NSD1: variants seen among roughly 807,000 people sequenced by gnomAD.
NSD1 encodes the protein histone-lysine N-methyltransferase, H3 lysine-36 specific.
A neutral mutation model predicts 242.7 loss-of-function variants in NSD1; 26 were observed. The ratio of observed to expected loss-of-function variants is 0.11; its 90% CI spans 0.08 to 0.15. The LOEUF is 0.15. Ranked by LOEUF, NSD1 falls within the 10% of genes least tolerant of loss-of-function variation. The probability of loss-of-function intolerance (pLI) is 1.00; values close to 1 mark genes in which losing one functional copy is unlikely to be tolerated. For missense variants in NSD1, 2,495 were observed against 3,272.8 expected (o/e 0.76, Z 5.80); for synonymous variants, 1,106 against 1,178.1 (o/e 0.94, Z 1.25).
At chr5:177,157,610 C>T (rs544256331) in intron 2 of NSD1, among the ~76,000 whole-genome samples, 2 of 152,094 alleles carry the variant, frequency 1.3e-5, no homozygotes, top group African/African-American at 4.8e-5. Context: ...AGTCTGCACT[C>T]AGTCCCTGGG....
At chr5:177,157,595 C>T (rs752129876) in intron 2 of NSD1, among the ~76,000 whole-genome samples, 5 of 152,044 alleles carry the variant, frequency 3.3e-5, no homozygotes, top group African/African-American at 7.2e-5. Context: ...CTACTCAGGA[C>T]GCTGAGTCTG....
At chr5:177,221,120 A>G (rs1276550135) in intron 5 of NSD1, 2 of 431,710 alleles carry the variant, frequency 4.6e-6, no homozygotes, top group African/African-American at 4.1e-5. Context: ...TGATCCACCC[A>G]CTTTGGCCTC....
intron 2 of NSD1, among the ~76,000 whole-genome samples, chr5:177,179,273 T>C (rs1264112984): frequency 6.6e-6 from 1 of 152,166 alleles, no homozygotes; most frequent in African/African-American, 2.4e-5. Flanking sequence ...TGAAGTACAA[T>C]GGCAGGATCT....
chr5:177,239,728 A>G (rs771596296), intron 7 of NSD1, 28 bp from the exon 8 acceptor site: 2 of 1,329,300 alleles, frequency 1.5e-6, no homozygotes, highest in East Asian at 2.3e-5. Context: ...TTTCTAAATC[A>G]TCTAATGTAA....
chr5:177,266,545 C>G, intron 14 of NSD1: 1 of 682,198 alleles, frequency 1.5e-6, no homozygotes, highest in Non-Finnish European at 2.4e-6. Flanking sequence ...CGCCTGGCCA[C>G]AGGACACCTC....
At chr5:177,227,095 T>C (rs1764689465) in intron 5 of NSD1, among the ~76,000 whole-genome samples, 1 of 152,190 alleles carries the variant, frequency 6.6e-6, no homozygotes, top group African/African-American at 2.4e-5. Flanking sequence ...TGAAATATTA[T>C]GGAGTATGAG....
rs1162692005 is a variant in NSD1, at chr5:177,211,012, C to T, written c.2613C>T (p.Ser871=). The part of the protein sequence containing the change: ...LSELKELSYR[S]LGEDVSDSGT... ...AGTTGAAGGAACTCTCTTACAGATCCTTAGGTGAGGATGTCAGTGACTCTG... is the reference window on the plus strand; with the variant it reads ...AGTTGAAGGAACTCTCTTACAGATCTTTAGGTGAGGATGTCAGTGACTCTG... Residue 871 remains serine (S), a synonymous_variant, in exon 5 of 23, where the codon TCC becomes TCT. Coordinates refer to ENST00000439151, the MANE Select transcript of NSD1 (RefSeq NM_022455.5). 2 of 1,614,154 alleles carry T rather than the reference C, an allele frequency of 1.2e-6. No individual in the cohort carries two copies. The highest frequency in any genetic ancestry group is 1.7e-5 in the Admixed American group (1 of 60,010).
At chr5:177,257,962 C>G (rs1182283485) in intron 13 of NSD1, among the ~76,000 whole-genome samples, 1 of 146,738 alleles carries the variant, frequency 6.8e-6, no homozygotes, top group Admixed American at 7.0e-5. Context: ...CCACGCGTGG[C>G]CCCCCTGGGC....
chr5:177,229,217 T>C (rs1764867772), intron 5 of NSD1, among the ~76,000 whole-genome samples: 1 of 152,232 alleles, frequency 6.6e-6, no homozygotes, highest in African/African-American at 2.4e-5. Context: ...TTGGCTGTTT[T>C]ATCATTTTAG....
At chr5:177,149,318 A>G (rs1757513803) in intron 2 of NSD1, among the ~76,000 whole-genome samples, 1 of 151,576 alleles carries the variant, frequency 6.6e-6, no homozygotes, top group Non-Finnish European at 1.5e-5. Context: ...TGCTGAGTTC[A>G]AGCAATTCTC....
chr5:177,202,617 A>T (rs904664632), intron 3 of NSD1, among the ~76,000 whole-genome samples: 2 of 152,072 alleles, frequency 1.3e-5, no homozygotes, highest in Non-Finnish European at 2.9e-5. Flanking sequence ...GGGCTCAAGC[A>T]GTCCTCCCAC....
intron 2 of NSD1, among the ~76,000 whole-genome samples, chr5:177,145,281 A>ATT (rs371901937): frequency 4.0e-4 from 56 of 138,442 alleles, no homozygotes; most frequent in Non-Finnish European, 5.3e-4. Flanking sequence ...ATGTAACAAG[A>ATT]TTTTTTTTTT....
chr5:177,206,668 A>G (rs922860735), intron 4 of NSD1, among the ~76,000 whole-genome samples: 5 of 152,190 alleles, frequency 3.3e-5, no homozygotes, highest in Non-Finnish European at 5.9e-5. Context: ...TTAGGATGAA[A>G]GAGGTTAACG....
intron 2 of NSD1, among the ~76,000 whole-genome samples, chr5:177,145,587 G>A (rs889433247): frequency 1.3e-5 from 2 of 152,092 alleles, no homozygotes; most frequent in Non-Finnish European, 2.9e-5. Flanking sequence ...TTTTTGTTTA[G>A]ATAAATGTTG....
chr5:177,259,840 T>G, intron 13 of NSD1, 149 bp from the exon 14 acceptor site: 2 of 822,084 alleles, frequency 2.4e-6, no homozygotes, highest in Admixed American at 4.6e-5. Context: ...TCTTGATGGA[T>G]CGAGTGTTTA....
In NSD1 at chr5:177,199,609, C is replaced by CT. The variant is rs981231265; in HGVS notation, c.1064-4502dup. On this transcript the variant is annotated intron_variant, in intron 3 of 22. Transcript: ENST00000439151. ...CTTTTCTTTTCTTTTCTTTTCTTTT[C>CT]TTTTTTTTTGAGATGGAGTCTCTCT... 1.6e-4 allele frequency among the ~76,000 whole-genome samples: 23 copies of CT among 148,364 alleles called. 1 individual carries two copies. In the South Asian group the frequency reaches 1.9e-3, roughly 12 times the overall value.
At chr5:177,254,711 G>A (rs1460241469) in intron 12 of NSD1, among the ~76,000 whole-genome samples, 1 of 152,138 alleles carries the variant, frequency 6.6e-6, no homozygotes, top group Non-Finnish European at 1.5e-5. Context: ...TCCAACCAGT[G>A]TCACAAAGAT....
chr5:177,219,955 C>T (rs1422780647), intron 5 of NSD1, among the ~76,000 whole-genome samples: 3 of 151,630 alleles, frequency 2.0e-5, no homozygotes, highest in Admixed American at 6.6e-5. Flanking sequence ...GAGTAAGATC[C>T]TGTGTCAAAA....
At position 177,288,965 on chromosome 5, in the gene NSD1, C is replaced by T. The variant is rs758344160; in HGVS notation, c.6258+40C>T. On this transcript the variant is annotated intron_variant, in intron 21 of 22. Transcript: ENST00000439151. Reference sequence around the variant, plus strand: ...GACTTCTGCTTTGGGATTAGTGGTGCGGTCCTCCCTCCCTAACAGTGTTAG... The same window carrying T: ...GACTTCTGCTTTGGGATTAGTGGTGTGGTCCTCCCTCCCTAACAGTGTTAG... 1.5e-5 allele frequency: 20 copies of T among 1,367,828 alleles called. No individual in the cohort carries two copies. The South Asian group carries it at 1.6e-4, about 11-fold the overall frequency. 84.7% of individuals were successfully genotyped at this position (1,367,828 alleles called of 1,614,324 possible). A position where few individuals can be genotyped will look rare whatever the true frequency, so the allele number is the denominator to read the frequency against.
Sources: allele counts gnomAD v4.1 joint callset (sites outside exome capture counted in the v4.1 genomes callset), GRCh38; gene constraint gnomAD v4.1.1; transcripts MANE v1.5; gene names NCBI Gene and HGNC (gene_info 2026-07-23, HGNC 2026-07-21).